The following GALNT13 variants were observed in gnomAD, a reference collection of about 807,000 sequenced individuals.
GALNT13 encodes the protein polypeptide N-acetylgalactosaminyltransferase 13.
In GALNT13, 28 loss-of-function variants were observed where a neutral mutation model predicts 64.2. The ratio of observed to expected loss-of-function variants is 0.44; its 90% CI spans 0.32 to 0.60. The LOEUF (loss-of-function observed/expected upper bound fraction) is 0.60, where lower values mean the gene tolerates loss of function less well. GALNT13 is among the 20% of genes least tolerant of loss of function. The pLI is 0.05. For missense variants in GALNT13, 577 were observed against 669.8 expected, an observed-to-expected ratio of 0.86 and a Z score of 1.53; for synonymous variants, 214 against 224.6, an observed-to-expected ratio of 0.95 and a Z score of 0.42.
chr2:153,417,710 T>C, the GALNT13 span, among the ~76,000 whole-genome samples: 1 of 152,124 alleles, frequency 6.6e-6, no homozygotes, highest in African/African-American at 2.4e-5. Flanking sequence ...ACAAGACAAA[T>C]GAGAAGTTCC....
At chr2:153,586,322 A>T in the GALNT13 span, among the ~76,000 whole-genome samples, 2 of 152,194 alleles carry the variant, frequency 1.3e-5, no homozygotes, top group African/African-American at 4.8e-5. Context: ...GTCTATAAAG[A>T]CACATATAGA....
chr2:153,977,759 A>G (rs1694178426), intron 3 of GALNT13, among the ~76,000 whole-genome samples: 1 of 152,200 alleles, frequency 6.6e-6, no homozygotes, highest in South Asian at 2.1e-4. Context: ...TATATTAACA[A>G]TATATCTGAG....
At chr2:153,328,339 A>T in the GALNT13 span, among the ~76,000 whole-genome samples, 8 of 152,132 alleles carry the variant, frequency 5.3e-5, no homozygotes, top group African/African-American at 1.9e-4. Context: ...CTGTGCTGGG[A>T]GATCCATTGC....
At chr2:154,130,670 A>G (rs879766366) in intron 3 of GALNT13, among the ~76,000 whole-genome samples, 2 of 152,178 alleles carry the variant, frequency 1.3e-5, no homozygotes, top group African/African-American at 2.4e-5. Context: ...ATAATAAATA[A>G]AATGTTACAT....
chr2:153,726,904 C>T, the GALNT13 span, among the ~76,000 whole-genome samples: 2 of 144,840 alleles, frequency 1.4e-5, no homozygotes, highest in East Asian at 4.2e-4. Flanking sequence ...TGTGCCACTG[C>T]ACTCCAGCCT....
At chr2:154,013,273 C>G (rs1245563584) in intron 3 of GALNT13, among the ~76,000 whole-genome samples, 4 of 149,968 alleles carry the variant, frequency 2.7e-5, no homozygotes, top group Non-Finnish European at 5.9e-5. Context: ...GTATAGGGTG[C>G]CTTTAGTCTT....
At chr2:153,873,404 C>G (rs576842149) in intron 1 of GALNT13, among the ~76,000 whole-genome samples, 38 of 152,226 alleles carry the variant, frequency 2.5e-4, no homozygotes, top group Non-Finnish European at 5.1e-4. Context: ...CCCGCATACC[C>G]GATTCTTTGA....
At chr2:153,945,571 T>C (rs1208559334) in intron 3 of GALNT13, among the ~76,000 whole-genome samples, 6 of 152,182 alleles carry the variant, frequency 3.9e-5, no homozygotes, top group Admixed American at 6.6e-5. Flanking sequence ...CAAGTTGAGA[T>C]TTACATTTAT....
intron 4 of GALNT13, among the ~76,000 whole-genome samples, chr2:154,201,582 T>C (rs566742852): frequency 6.6e-6 from 1 of 152,252 alleles, no homozygotes; most frequent in East Asian, 1.9e-4. Flanking sequence ...ATTTTGCAGT[T>C]TAAACATACA....
At chr2:154,226,406 A>G (rs981680055) in intron 4 of GALNT13, among the ~76,000 whole-genome samples, 2 of 152,140 alleles carry the variant, frequency 1.3e-5, no homozygotes, top group Non-Finnish European at 2.9e-5. Flanking sequence ...AATGATGTGT[A>G]AATACCAGAC....
intron 8 of GALNT13, among the ~76,000 whole-genome samples, chr2:154,297,877 GA>G (rs140416345): frequency 6.6e-4 from 97 of 147,654 alleles, no homozygotes; most frequent in Non-Finnish European, 9.9e-4. Flanking sequence ...CTATCAATTG[GA>G]AAAAAAAAAT....
chr2:153,198,109 C>T, the GALNT13 span, among the ~76,000 whole-genome samples: 53 of 152,138 alleles, frequency 3.5e-4, no homozygotes, highest in Non-Finnish European at 5.1e-4. Context: ...TCTTAGTGAG[C>T]CTCCAGAAAT....
chr2:153,937,521 T>G (rs1691026866), intron 2 of GALNT13, among the ~76,000 whole-genome samples: 1 of 152,210 alleles, frequency 6.6e-6, no homozygotes, highest in Admixed American at 6.5e-5. Flanking sequence ...AGTGGTTTAC[T>G]TTTTGAGGAA....
chr2:154,085,275 G>T (rs1303780115), intron 3 of GALNT13, among the ~76,000 whole-genome samples: 1 of 151,966 alleles, frequency 6.6e-6, no homozygotes, highest in Non-Finnish European at 1.5e-5. Flanking sequence ...GAAAATTGTG[G>T]ATTGGAACTA....
chr2:154,362,980 C>T (rs769527072), intron 9 of GALNT13, among the ~76,000 whole-genome samples: 1 of 150,720 alleles, frequency 6.6e-6, no homozygotes, highest in Non-Finnish European at 1.5e-5. Flanking sequence ...AAATTCCTTA[C>T]ACAGCTTTTA....
At chr2:153,649,592 G>A in the GALNT13 span, among the ~76,000 whole-genome samples, 1 of 151,340 alleles carries the variant, frequency 6.6e-6, no homozygotes, top group African/African-American at 2.4e-5. Flanking sequence ...GCTTTCTCTT[G>A]TGGGCATTTA....
chr2:153,623,268 T>G, the GALNT13 span, among the ~76,000 whole-genome samples: 2 of 152,152 alleles, frequency 1.3e-5, no homozygotes, highest in African/African-American at 4.8e-5. Context: ...CTTTATACCC[T>G]TCCTCAACGT....
intron 4 of GALNT13, among the ~76,000 whole-genome samples, chr2:154,181,412 A>G (rs1685951819): frequency 6.6e-6 from 1 of 152,136 alleles, no homozygotes; most frequent in Admixed American, 6.6e-5. Flanking sequence ...CATTTCTCAT[A>G]TTTACATTAA....
intron 9 of GALNT13, among the ~76,000 whole-genome samples, chr2:154,336,486 G>C (rs1427071900): frequency 1.3e-5 from 2 of 152,046 alleles, no homozygotes; most frequent in South Asian, 2.1e-4. Flanking sequence ...ATTTCATTTA[G>C]AATCTCCTAT....
Sources: gnomAD v4.1 joint callset for allele counts (sites outside exome capture counted in the v4.1 genomes callset) on GRCh38, gnomAD v4.1.1 for gene constraint, MANE v1.5 for transcripts, NCBI Gene and HGNC (gene_info 2026-07-23, HGNC 2026-07-21) for gene names.